The following C19orf47 variants were observed in gnomAD, a reference collection of about 807,000 sequenced individuals.
The protein encoded by C19orf47 is uncharacterized protein C19orf47.
In C19orf47, 18 loss-of-function variants were observed where a neutral mutation model predicts 32.3. The observed-to-expected ratio is 0.56, with a 90% CI of 0.39 to 0.83. The LOEUF is 0.83. C19orf47 is among the 40% of genes least tolerant of loss of function. The pLI is 0.00. For missense variants in C19orf47, 484 were observed against 531.6 expected, an observed-to-expected ratio of 0.91 and a Z score of 0.88; for synonymous variants, 202 against 211.1, an observed-to-expected ratio of 0.96 and a Z score of 0.37.
downstream of C19orf47, among the ~76,000 whole-genome samples, chr19:40,316,693 G>A (rs549137052): frequency 6.6e-6 from 1 of 152,272 alleles, no homozygotes; most frequent in Non-Finnish European, 1.5e-5. Context: ...CAATCATCTT[G>A]GAGGAGAGGC....
intron 5 of C19orf47, among the ~76,000 whole-genome samples, chr19:40,333,553 A>C (rs897432293): frequency 1.3e-5 from 2 of 152,200 alleles, no homozygotes; most frequent in Non-Finnish European, 2.9e-5. Flanking sequence ...AACCTAACCT[A>C]GTATTTCCCA....
chr19:40,313,897 C>T, the C19orf47 span, among the ~76,000 whole-genome samples: 2 of 150,988 alleles, frequency 1.3e-5, no homozygotes, highest in Non-Finnish European at 3.0e-5. Context: ...CACCACTGCA[C>T]TCTGGCCTGG....
At chr19:40,327,364 G>A (rs1489619487) in intron 6 of C19orf47, among the ~76,000 whole-genome samples, 1 of 148,804 alleles carries the variant, frequency 6.7e-6, no homozygotes, top group Non-Finnish European at 1.5e-5. Context: ...ATCTTGTGCA[G>A]GTTGGTCTTG....
chr19:40,318,416 C>A (rs993153105), downstream of C19orf47, among the ~76,000 whole-genome samples: 2 of 152,060 alleles, frequency 1.3e-5, no homozygotes, highest in African/African-American at 4.8e-5. Flanking sequence ...CACAGCTAAA[C>A]CCTGTGTGGT....
chr19:40,340,910 A>G (rs2078163970), intron 2 of C19orf47, among the ~76,000 whole-genome samples: 1 of 149,918 alleles, frequency 6.7e-6, no homozygotes, highest in Non-Finnish European at 1.5e-5. Flanking sequence ...CCTGGGAGGC[A>G]GAGGGTGCAG....
the C19orf47 span, among the ~76,000 whole-genome samples, chr19:40,309,006 A>T: frequency 6.6e-6 from 1 of 152,234 alleles, no homozygotes; most frequent in African/African-American, 2.4e-5. Context: ...AGGCTGCAGT[A>T]AGCTGTGATC....
chr19:40,309,417 G>A, the C19orf47 span, among the ~76,000 whole-genome samples: 1 of 151,938 alleles, frequency 6.6e-6, no homozygotes, highest in African/African-American at 2.4e-5. Flanking sequence ...TCGAACTTCT[G>A]ACCTCAGGTG....
chr19:40,308,355 C>T, the C19orf47 span, among the ~76,000 whole-genome samples: 1 of 151,662 alleles, frequency 6.6e-6, no homozygotes, highest in African/African-American at 2.4e-5. Flanking sequence ...TGGGGTTTCA[C>T]CATGTTAGCC....
At chr19:40,304,542 A>T in the C19orf47 span, among the ~76,000 whole-genome samples, 1 of 152,076 alleles carries the variant, frequency 6.6e-6, no homozygotes, top group Non-Finnish European at 1.5e-5. Flanking sequence ...GACAACTTTT[A>T]TTCACCATAC....
At position 40,344,491 on chromosome 19, in the gene C19orf47, T is replaced by C. The variant is rs188610495; in HGVS notation, c.-33-2601A>G. On this transcript the variant is annotated intron_variant, in intron 1 of 8. Transcript: ENST00000683109. ...AAGACTCTGTCTCAAAAAATAATAA[T>C]GAAATAAAATACAGTACAACATGCA... 1.6e-3 allele frequency among the ~76,000 whole-genome samples: 242 copies of C among 151,548 alleles called. 1 individual carries two copies. Among genetic ancestry groups the C allele is most frequent in the African/African-American group, 5.6e-3 (231 of 41,240 alleles).
At chr19:40,307,489 C>A in the C19orf47 span, among the ~76,000 whole-genome samples, 1 of 152,296 alleles carries the variant, frequency 6.6e-6, no homozygotes, top group African/African-American at 2.4e-5. Flanking sequence ...ACCTCTGCCT[C>A]CTGGGCTCAA....
intron 6 of C19orf47, among the ~76,000 whole-genome samples, chr19:40,326,765 C>T (rs894316628): frequency 6.6e-6 from 1 of 152,158 alleles, no homozygotes; most frequent in African/African-American, 2.4e-5. Flanking sequence ...GCCCAGCCCA[C>T]ATCCCCTCGG....
chr19:40,344,339 C>CGTG (rs2078233196), intron 1 of C19orf47, among the ~76,000 whole-genome samples: 1 of 151,470 alleles, frequency 6.6e-6, no homozygotes, highest in South Asian at 2.1e-4. Flanking sequence ...ATTAGTCGGG[C>CGTG]ATGGTGGTGG....
chr19:40,310,073 T>C, the C19orf47 span, among the ~76,000 whole-genome samples: 1 of 152,318 alleles, frequency 6.6e-6, no homozygotes, highest in East Asian at 1.9e-4. Flanking sequence ...TACCTGAATA[T>C]TGATAGCAGC....
At chr19:40,332,116 G>C (rs1188227866) in intron 5 of C19orf47, among the ~76,000 whole-genome samples, 1 of 151,596 alleles carries the variant, frequency 6.6e-6, no homozygotes, top group Non-Finnish European at 1.5e-5. Context: ...CCTGCACTTT[G>C]GGAGGCTGAG....
intron 1 of C19orf47, among the ~76,000 whole-genome samples, chr19:40,344,771 G>A (rs932993938): frequency 1.3e-5 from 2 of 152,142 alleles, no homozygotes; most frequent in African/African-American, 2.4e-5. Context: ...TGATTCTGAC[G>A]TCCAGGGAAT....
At chr19:40,308,473 T>A in the C19orf47 span, among the ~76,000 whole-genome samples, 23 of 147,624 alleles carry the variant, frequency 1.6e-4, no homozygotes, top group South Asian at 4.5e-3. Flanking sequence ...AACTTTTTTT[T>A]TTTTTTTTGA....
intron 7 of C19orf47, chr19:40,324,450 C>T (rs2077787067): frequency 8.4e-6 from 2 of 238,148 alleles, no homozygotes; most frequent in African/African-American, 4.4e-5. Flanking sequence ...TAATAGCCAT[C>T]AATAGAATGG....
chr19:40,314,273 C>T, the C19orf47 span, among the ~76,000 whole-genome samples: 9 of 152,200 alleles, frequency 5.9e-5, no homozygotes, highest in South Asian at 6.2e-4. Flanking sequence ...ATTAAAAATA[C>T]AAAAATTAGC....
Sources: gnomAD v4.1 joint callset for allele counts (sites outside exome capture counted in the v4.1 genomes callset) on GRCh38, gnomAD v4.1.1 for gene constraint, MANE v1.5 for transcripts, NCBI Gene and HGNC (gene_info 2026-07-23, HGNC 2026-07-21) for gene names.